Variants in WWP2 observed in about 807,000 individuals in gnomAD.
WWP2 encodes the protein WW domain containing E3 ubiquitin protein ligase 2.
Under a neutral mutation model 121.0 loss-of-function variants are expected in WWP2, and 57 were observed. That is an observed-to-expected ratio of 0.47 (90% CI 0.38 to 0.59). The LOEUF (loss-of-function observed/expected upper bound fraction) is 0.59, where lower values mean the gene tolerates loss of function less well. Ranked by LOEUF, WWP2 falls within the 20% of genes least tolerant of loss-of-function variation. The pLI, the probability that WWP2 is intolerant of heterozygous loss-of-function variation, is 0.00. For synonymous variants in WWP2, 449 were observed against 441.3 expected (o/e 1.02, Z -0.22); for missense variants, 962 against 1,158.9 (o/e 0.83, Z 2.47).
intron 1 of WWP2, among the ~76,000 whole-genome samples, chr16:69,763,262 C>T (rs550584764): frequency 1.3e-5 from 2 of 152,282 alleles, no homozygotes; most frequent in Non-Finnish European, 2.9e-5. Flanking sequence ...CTTAGCTTAT[C>T]TTGTGACTGC....
chr16:69,896,682 C>T (rs374707454), intron 8 of WWP2, among the ~76,000 whole-genome samples: 1 of 151,278 alleles, frequency 6.6e-6, no homozygotes, highest in Non-Finnish European at 1.5e-5. Flanking sequence ...TTAACAAACA[C>T]CCCCCCAGAG....
Position 69,940,047 on chromosome 16 carries a change from C to T in WWP2, c.*107C>T. ...CTTGGGAGGCCCCCGTGGATGTGGC[C>T]CTGTGTGGGACCACACTGTCATCTC... On this transcript the variant is annotated 3_prime_UTR_variant, in exon 24 of 24. Coordinates refer to ENST00000359154, the MANE Select transcript of WWP2 (RefSeq NM_001270454.2). 2.2e-6 allele frequency: 2 copies of T among 892,490 alleles called. No homozygotes were observed. The highest frequency in any genetic ancestry group is 3.4e-6 in the Non-Finnish European group (2 of 583,666). The allele number at this position is 892,490 out of a possible 1,614,324, so 55.3% of individuals were successfully genotyped here. A position where few individuals can be genotyped will look rare whatever the true frequency, so the allele number is the denominator to read the frequency against.
rs916991471 is a variant in WWP2 at position 69,884,900 on chromosome 16, G to T, written c.704-3139G>T. On this transcript the variant is annotated intron_variant, in intron 7 of 23. Transcript: ENST00000359154. ...TGTAGCTAATAAATGAAGAAGGTGT[G>T]GTAGAATTAGAATATTACTATTTTG... Among the ~76,000 whole-genome samples, 8 of 152,084 alleles carry T rather than the reference G, an allele frequency of 5.3e-5. No homozygotes were observed. In the East Asian group the frequency reaches 1.5e-3, roughly 29 times the overall value.
intron 4 of WWP2, among the ~76,000 whole-genome samples, chr16:69,811,163 A>G (rs563370846): frequency 7.2e-5 from 11 of 152,278 alleles, no homozygotes; most frequent in African/African-American, 2.2e-4. Context: ...GTTAGCAGGT[A>G]GGGTCTAATA....
At chr16:69,931,310 C>T (rs558061671) in intron 14 of WWP2, 83 bp downstream of exon 14, 65 of 1,568,340 alleles carry the variant, frequency 4.1e-5, no homozygotes, top group Non-Finnish European at 5.3e-5. Flanking sequence ...CAGCAGGTAT[C>T]GGAATGTTTG....
chr16:69,791,321 A>G (rs2055906347), intron 2 of WWP2, among the ~76,000 whole-genome samples: 1 of 150,992 alleles, frequency 6.6e-6, no homozygotes, highest in South Asian at 2.1e-4. Context: ...TCTGCCTCCC[A>G]AGTTCAAGCA....
chr16:69,827,779 G>A, intron 4 of WWP2: 1 of 422,316 alleles, frequency 2.4e-6, no homozygotes, highest in Non-Finnish European at 4.7e-6. Flanking sequence ...GGTGTGGCAG[G>A]GACTCTCCCT....
Position 69,842,093 on chromosome 16 carries a change from G to A in WWP2, c.548G>A (p.Ser183Asn), listed in dbSNP as rs768917989. The stretch of plus-strand genomic sequence containing the variant: ...CCAGAGAACCGGCACCAGCCCCCCA[G>A]CACAAACTGCTTTGGTGGAAGATCC... ...VAPENRHQPP[S>N]TNCFGGRSRT... The change falls in exon 6 of 24, where the codon AGC (serine) becomes AAC (asparagine). Residue 183 changes from serine (S) to asparagine (N), a missense_variant. By Grantham distance (46) the Ser-to-Asn change is conservative. This residue lies in a region of WWP2 where 211 missense variants were observed against 196.5 expected (regional missense o/e 1.07). Transcript: ENST00000359154. The A allele has an allele frequency of 2.1e-5, 34 of 1,613,084 alleles. No homozygotes were observed. Among genetic ancestry groups the A allele is most frequent in the Non-Finnish European group, 2.9e-5 (34 of 1,179,738 alleles).
At chr16:69,885,987 G>C (rs891099654) in intron 7 of WWP2, among the ~76,000 whole-genome samples, 1 of 152,202 alleles carries the variant, frequency 6.6e-6, no homozygotes, top group East Asian at 1.9e-4. Context: ...GAAGAGGGCA[G>C]CCAGATGATC....
intron 6 of WWP2, among the ~76,000 whole-genome samples, chr16:69,844,608 G>T (rs2057036002): frequency 6.6e-6 from 1 of 152,166 alleles, no homozygotes; most frequent in Non-Finnish European, 1.5e-5. Flanking sequence ...CTCGTTTGTT[G>T]TCATTGGTGT....
chr16:69,798,291 C>T (rs369726866), intron 2 of WWP2, among the ~76,000 whole-genome samples: 5 of 152,054 alleles, frequency 3.3e-5, no homozygotes, highest in African/African-American at 7.2e-5. Flanking sequence ...GCAGTCTATT[C>T]GACAATGAAA....
At chr16:69,842,716 C>A (rs2057002134) in intron 6 of WWP2, among the ~76,000 whole-genome samples, 1 of 152,142 alleles carries the variant, frequency 6.6e-6, no homozygotes, top group South Asian at 2.1e-4. Context: ...GTTGCCTACG[C>A]TGGAGTGCTA....
chr16:69,933,864 G>A (rs568526646), intron 16 of WWP2, 106 bp from the exon 17 acceptor site: 17 of 1,338,620 alleles, frequency 1.3e-5, no homozygotes, highest in East Asian at 1.2e-4. Context: ...CCTGGGACAC[G>A]TGTCCCCATA....
intron 4 of WWP2, among the ~76,000 whole-genome samples, chr16:69,820,810 A>G (rs1175981524): frequency 6.9e-6 from 1 of 145,332 alleles, no homozygotes; most frequent in Non-Finnish European, 1.5e-5. Flanking sequence ...ACACAAAACC[A>G]TGAATACATG....
At chr16:69,933,452 C>T (rs993073960) in intron 16 of WWP2, among the ~76,000 whole-genome samples, 3 of 152,160 alleles carry the variant, frequency 2.0e-5, no homozygotes, top group Non-Finnish European at 4.4e-5. Context: ...CTGAAGGCAG[C>T]ATGGATTACA....
At chr16:69,810,083 G>T (rs933461526) in intron 4 of WWP2, among the ~76,000 whole-genome samples, 3 of 152,238 alleles carry the variant, frequency 2.0e-5, no homozygotes, top group Admixed American at 1.3e-4. Context: ...GGAAGGACCT[G>T]ATGGGCGATG....
chr16:69,918,738 C>T (rs2058511553), intron 10 of WWP2, among the ~76,000 whole-genome samples: 1 of 152,228 alleles, frequency 6.6e-6, no homozygotes, highest in Admixed American at 6.5e-5. Context: ...CTGTTCCCCT[C>T]AGAGCAGTCT....
At chr16:69,762,498 C>T (rs1212029820) in intron 1 of WWP2, 107 bp downstream of exon 1, 7 of 147,506 alleles carry the variant, frequency 4.7e-5, no homozygotes, top group South Asian at 1.8e-4. Flanking sequence ...GCCCGGGCGT[C>T]GGGGGGCGGC....
intron 12 of WWP2, among the ~76,000 whole-genome samples, chr16:69,929,891 G>A (rs2058688341): frequency 6.6e-6 from 1 of 152,220 alleles, no homozygotes; most frequent in Non-Finnish European, 1.5e-5. Flanking sequence ...CAGGATTGCT[G>A]GTGGCTGCTC....
Sources: allele counts gnomAD v4.1 joint callset (sites outside exome capture counted in the v4.1 genomes callset), GRCh38; gene constraint gnomAD v4.1.1; regional missense constraint gnomAD v4.1.1; transcripts MANE v1.5; gene names NCBI Gene and HGNC (gene_info 2026-07-23, HGNC 2026-07-21).